NDUFB6: variants seen among roughly 807,000 people sequenced by gnomAD.
The protein encoded by NDUFB6 is NADH:ubiquinone oxidoreductase subunit B6.
Under a neutral mutation model 17.5 loss-of-function variants are expected in NDUFB6, and 23 were observed. The observed-to-expected ratio is 1.31, with a 90% confidence interval of 0.94 to 1.86. The LOEUF (loss-of-function observed/expected upper bound fraction) is 1.86. Ranked by LOEUF, NDUFB6 falls within the 40% of genes most tolerant of loss-of-function variation. The pLI is 0.00. For synonymous variants in NDUFB6, 60 were observed against 53.5 expected, an observed-to-expected ratio of 1.12 and a Z score of -0.53; for missense variants, 167 against 153.8, an observed-to-expected ratio of 1.09 and a Z score of -0.46.
At chr9:32,566,887 A>G (rs1821809877) in intron 2 of NDUFB6, 1 of 602,694 alleles carries the variant, frequency 1.7e-6, no homozygotes, top group Non-Finnish European at 3.0e-6. Context: ...CGGCTGGCGA[A>G]AAGCACTGAG....
intron 2 of NDUFB6, chr9:32,566,311 CT>C: frequency 8.4e-7 from 1 of 1,185,104 alleles, no homozygotes; most frequent in Non-Finnish European, 1.3e-6. Flanking sequence ...TCCCAGTCCA[CT>C]TCTCTTCCAT....
intron 3 of NDUFB6, among the ~76,000 whole-genome samples, chr9:32,558,459 T>C (rs1821534049): frequency 6.6e-6 from 1 of 152,152 alleles, no homozygotes; most frequent in Non-Finnish European, 1.5e-5. Context: ...AATTCACAGA[T>C]GGAGAACTTA....
Position 32,553,964 on chromosome 9 carries a change from G to C in NDUFB6, c.319-20C>G. 1 of 1,502,752 alleles carries C rather than the reference G, an allele frequency of 6.7e-7. No homozygotes were observed. Among genetic ancestry groups the C allele is most frequent in the Non-Finnish European group, 9.2e-7 (1 of 1,085,858 alleles). 93.1% of individuals were successfully genotyped at this position (1,502,752 alleles called of 1,614,324 possible). On this transcript the variant is annotated intron_variant, in intron 3 of 3. Transcript: ENST00000379847. ...ATCACCCTAGGAAAACAAAGATACA[G>C]TTAGTACAAAAATCTTAAGTCTACA...
intron 2 of NDUFB6, among the ~76,000 whole-genome samples, chr9:32,565,201 G>T (rs1042303644): frequency 6.6e-6 from 1 of 151,916 alleles, no homozygotes; most frequent in Non-Finnish European, 1.5e-5. Context: ...GCTGAGGCAG[G>T]AGAATCACTT....
intron 3 of NDUFB6, among the ~76,000 whole-genome samples, chr9:32,555,635 T>G (rs964716349): frequency 6.6e-6 from 1 of 152,238 alleles, no homozygotes; most frequent in Admixed American, 6.5e-5. Context: ...AAACATATAG[T>G]TTACAGAATC....
intron 2 of NDUFB6, among the ~76,000 whole-genome samples, chr9:32,569,591 G>A (rs926110551): frequency 2.6e-5 from 4 of 152,178 alleles, no homozygotes; most frequent in African/African-American, 9.6e-5. Flanking sequence ...ACAGTTTATT[G>A]CAGCCTCGAA....
chr9:32,566,634 G>A, intron 2 of NDUFB6: 1 of 792,524 alleles, frequency 1.3e-6, no homozygotes, highest in Non-Finnish European at 2.3e-6. Context: ...ACCCACCATG[G>A]AGGAGCAGGA....
At chr9:32,570,895 A>G (rs1821921059) in intron 2 of NDUFB6, 65 bp downstream of exon 2, 1 of 1,099,474 alleles carries the variant, frequency 9.1e-7, no homozygotes, top group Non-Finnish European at 1.3e-6. Flanking sequence ...AAGTAGGGTA[A>G]GATAGCCACA....
chr9:32,563,490 G>GTTTTTTTTT (rs1239149080), intron 2 of NDUFB6, among the ~76,000 whole-genome samples: 2 of 47,562 alleles, frequency 4.2e-5, no homozygotes, highest in Admixed American at 1.7e-4. Context: ...GGACTATTGG[G>GTTTTTTTTT]CTTTTTTTTT....
At position 32,553,160 on chromosome 9, in the gene NDUFB6, C is replaced by A; in HGVS notation, c.*716G>T. 2.7e-6 allele frequency: 1 copy of A among 376,092 alleles called. No individual in the cohort carries two copies. The highest frequency in any genetic ancestry group is 4.7e-6 in the Non-Finnish European group (1 of 210,962). 23.3% of individuals were successfully genotyped at this position (376,092 alleles called of 1,614,324 possible). A position where few individuals can be genotyped will look rare whatever the true frequency, so the allele number is the denominator to read the frequency against. On this transcript the variant is annotated 3_prime_UTR_variant, in exon 4 of 4. Transcript: ENST00000379847. ...CAGATCATAGTTGGAATAAGCTTTT[C>A]AATCAAGTTTCTAAATTCTTCAAAA...
chr9:32,566,413 C>CT, intron 2 of NDUFB6: 1 of 877,148 alleles, frequency 1.1e-6, no homozygotes, highest in South Asian at 1.3e-5. Context: ...GAAGAGGAGC[C>CT]TGCTCTCCCT....
intron 2 of NDUFB6, among the ~76,000 whole-genome samples, chr9:32,564,741 C>T (rs1160480820): frequency 1.3e-5 from 2 of 152,280 alleles, no homozygotes; most frequent in East Asian, 3.9e-4. Flanking sequence ...ATGATAGTAA[C>T]TCTGATAAAT....
At chr9:32,557,486 T>A (rs1821498941) in intron 3 of NDUFB6, among the ~76,000 whole-genome samples, 1 of 150,630 alleles carries the variant, frequency 6.6e-6, no homozygotes. Context: ...TTTTTCCTTT[T>A]TCCTTTTTTT....
intron 2 of NDUFB6, chr9:32,566,716 A>C: frequency 1.2e-6 from 1 of 858,824 alleles, no homozygotes; most frequent in Non-Finnish European, 2.0e-6. Context: ...TTATTCCAAA[A>C]TCGGGACTCC....
At chr9:32,566,261 T>C (rs1821786836) in intron 2 of NDUFB6, 1 of 1,104,228 alleles carries the variant, frequency 9.1e-7, no homozygotes, top group East Asian at 2.3e-5. Context: ...ACAACACTAA[T>C]TTTAGGTTCT....
At position 32,558,282 on chromosome 9, in the gene NDUFB6, T is replaced by G. The variant is rs182047084; in HGVS notation, c.318+628A>C. 5.7e-3 allele frequency among the ~76,000 whole-genome samples: 875 copies of G among 152,192 alleles called. 7 individuals are homozygous for G. Among genetic ancestry groups the G allele is most frequent in the African/African-American group, 0.02 (840 of 41,534 alleles). On this transcript the variant is annotated intron_variant, in intron 3 of 3. Transcript: ENST00000379847. ...GCCCGCCACCACGCCCAGCTAATTT[T>G]TTGTATTTTCAGTAGAGACGGGGTT... is the stretch of plus-strand genomic sequence containing the variant.
intron 2 of NDUFB6, among the ~76,000 whole-genome samples, chr9:32,560,293 C>T (rs1360373984): frequency 6.6e-6 from 1 of 152,208 alleles, no homozygotes; most frequent in African/African-American, 2.4e-5. Context: ...GAAAAATCAC[C>T]TGGAAGTGTG....
At chr9:32,565,933 C>A (rs560945165) in intron 2 of NDUFB6, among the ~76,000 whole-genome samples, 1 of 152,252 alleles carries the variant, frequency 6.6e-6, no homozygotes, top group Non-Finnish European at 1.5e-5. Context: ...GATCACACTA[C>A]TACACTCCAG....
chr9:32,558,092 T>A lies in NDUFB6; in HGVS notation c.318+818A>T, dbSNP rs116665666. On this transcript the variant is annotated intron_variant, in intron 3 of 3. Transcript: ENST00000379847. ...AAAATAACTCATTTCAAATTAGTAC[T>A]ATAGCTCACACATTCATAGTATACA... Among the ~76,000 whole-genome samples the A allele has an allele frequency of 4.7e-3, 718 of 151,494 alleles. 4 individuals are homozygous for A. The highest frequency in any genetic ancestry group is 0.017 in the African/African-American group (692 of 41,286).
Sources: allele counts gnomAD v4.1 joint callset (sites outside exome capture counted in the v4.1 genomes callset), GRCh38; gene constraint gnomAD v4.1.1; transcripts MANE v1.5; gene names NCBI Gene and HGNC (gene_info 2026-07-23, HGNC 2026-07-21).